The following AQP9 variants were observed in gnomAD, a reference collection of about 807,000 sequenced individuals.
AQP9 encodes the protein aquaporin 9.
A neutral mutation model predicts 23.8 loss-of-function variants in AQP9; 19 were observed. That is an observed-to-expected ratio of 0.80 (90% CI 0.56 to 1.17). AQP9 has a LOEUF of 1.17. AQP9 is among the 50% of genes most tolerant of loss of function. AQP9 has a pLI of 0.00. For missense variants in AQP9, 413 were observed against 362.0 expected (o/e 1.14, Z -1.14); for synonymous variants, 153 against 131.5 (o/e 1.16, Z -1.12).
chr15:58,139,100 A>G (rs574633647), intron 1 of AQP9, among the ~76,000 whole-genome samples: 6 of 152,208 alleles, frequency 3.9e-5, no homozygotes, highest in Non-Finnish European at 7.4e-5. Context: ...GCAAAAATAT[A>G]CATATGGATG....
chr15:58,146,323 A>G (rs1898042949), intron 1 of AQP9, among the ~76,000 whole-genome samples: 1 of 151,774 alleles, frequency 6.6e-6, no homozygotes, highest in South Asian at 2.1e-4. Context: ...TGAATTTTGT[A>G]TAGTTGCTGT....
intron 1 of AQP9, among the ~76,000 whole-genome samples, chr15:58,148,645 T>C (rs1898092918): frequency 6.6e-6 from 1 of 152,222 alleles, no homozygotes; most frequent in East Asian, 1.9e-4. Flanking sequence ...AAATGCTTCA[T>C]TCATTTCTTA....
intron 5 of AQP9, among the ~76,000 whole-genome samples, chr15:58,180,499 G>T (rs1290839305): frequency 6.6e-6 from 1 of 152,182 alleles, no homozygotes; most frequent in Non-Finnish European, 1.5e-5. Context: ...GCCTAGAACA[G>T]GGTGTAGCTC....
At chr15:58,175,431 T>C (rs2140628659) in intron 4 of AQP9, among the ~76,000 whole-genome samples, 1 of 152,366 alleles carries the variant, frequency 6.6e-6, no homozygotes, top group Admixed American at 6.5e-5. Context: ...TAGTTGAGCC[T>C]AGGGGATCAT....
chr15:58,145,386 C>T (rs1898026730), intron 1 of AQP9, among the ~76,000 whole-genome samples: 1 of 151,746 alleles, frequency 6.6e-6, no homozygotes, highest in African/African-American at 2.4e-5. Flanking sequence ...ACCTGTAATC[C>T]CAGCTACTCA....
In AQP9 at chr15:58,174,951, T is replaced by G. The variant is rs1474924571; in HGVS notation, c.410T>G (p.Leu137Arg). Residue 137 changes from leucine to arginine, a missense_variant, in exon 4 of 6, where the codon CTG becomes CGG. By Grantham distance (102) the Leu-to-Arg change is moderately radical (BLOSUM62 -2). Coordinates refer to ENST00000219919, the MANE Select transcript of AQP9 (RefSeq NM_020980.5). ...GLMSFAGGKL[L>R]IVGENATAHI... is the part of the protein sequence containing the mutation. ...ATGTCCTTTGCTGGTGGAAAACTGC[T>G]GATCGTGGGAGAAAATGCAACAGCA... 4 of 1,614,110 alleles carry G rather than the reference T, an allele frequency of 2.5e-6. No individual in the cohort carries two copies. The highest frequency in any genetic ancestry group is 3.4e-6 in the Non-Finnish European group (4 of 1,180,024).
Position 58,150,531 on chromosome 15 carries a change from T to A in AQP9, c.111+11855T>A, listed in dbSNP as rs564946469. Reference sequence around the variant, plus strand: ...TGACACTTCATAGATATAGTAAGACTATTCTTATATGTCTCTATCTACTGA... The same window carrying A: ...TGACACTTCATAGATATAGTAAGACAATTCTTATATGTCTCTATCTACTGA... On this transcript the variant is annotated intron_variant, in intron 1 of 5. Coordinates refer to ENST00000219919, the MANE Select transcript of AQP9 (RefSeq NM_020980.5). 3.3e-5 allele frequency: 5 copies of A among 152,756 alleles called. No homozygotes were observed. In the East Asian group the frequency reaches 9.7e-4, roughly 29 times the overall value. The allele number at this position is 152,756 out of a possible 1,614,324, so 9.5% of individuals were successfully genotyped here. A position where few individuals can be genotyped will look rare whatever the true frequency, so the allele number is the denominator to read the frequency against.
At chr15:58,138,801 G>A in intron 1 of AQP9, 125 bp downstream of exon 1, 6 of 800,490 alleles carry the variant, frequency 7.5e-6, no homozygotes, top group Non-Finnish European at 1.2e-5. Context: ...ATCTTTTCCA[G>A]GAAGAAACAA....
At chr15:58,144,248 G>A (rs548868299) in intron 1 of AQP9, among the ~76,000 whole-genome samples, 13 of 151,620 alleles carry the variant, frequency 8.6e-5, no homozygotes, top group Non-Finnish European at 1.6e-4. Flanking sequence ...TCTTATTGAG[G>A]TTTAATATTT....
chr15:58,157,681 TGA>T (rs1293409802), intron 1 of AQP9, among the ~76,000 whole-genome samples: 3 of 152,128 alleles, frequency 2.0e-5, no homozygotes, highest in African/African-American at 7.2e-5. Context: ...GAGGAGTGTG[TGA>T]GAGAGAACAA....
intron 1 of AQP9, among the ~76,000 whole-genome samples, chr15:58,165,430 T>G (rs1007777237): frequency 3.9e-5 from 6 of 152,202 alleles, no homozygotes; most frequent in Non-Finnish European, 7.3e-5. Context: ...AAAAGTTCTC[T>G]TCCAATCTCT....
At chr15:58,179,444 G>T in intron 5 of AQP9, 99 bp downstream of exon 5, 1 of 1,079,516 alleles carries the variant, frequency 9.3e-7, no homozygotes, top group Non-Finnish European at 1.3e-6. Context: ...TCAGATGACA[G>T]CGCCAACGTT....
chr15:58,174,828 AG>A (rs1898703415), intron 3 of AQP9, 89 bp from the exon 4 acceptor site: 2 of 1,057,258 alleles, frequency 1.9e-6, no homozygotes, highest in Non-Finnish European at 2.9e-6. Flanking sequence ...GCTCAATCTG[AG>A]TGACTGGTTG....
chr15:58,158,130 G>A lies in AQP9; in HGVS notation c.112-8543G>A, dbSNP rs112336414. 6.2e-3 allele frequency among the ~76,000 whole-genome samples: 944 copies of A among 152,176 alleles called. 15 individuals are homozygous for A. The highest frequency in any genetic ancestry group is 0.022 in the African/African-American group (907 of 41,502). On this transcript the variant is annotated intron_variant, in intron 1 of 5. Coordinates refer to ENST00000219919, the MANE Select transcript of AQP9 (RefSeq NM_020980.5). ...GATTGGGAACAGATGGCTGCTACCT[G>A]GGGTCTTCAAGTCCTCACCTTCCCA...
chr15:58,140,314 A>G (rs73426140), intron 1 of AQP9, among the ~76,000 whole-genome samples: 1,874 of 151,872 alleles, frequency 0.012, 45 homozygotes, highest in African/African-American at 0.043. Context: ...TCAGCAGTTC[A>G]CTGTTCAACT....
chr15:58,167,625 C>G (rs1452842979), intron 2 of AQP9, among the ~76,000 whole-genome samples: 3 of 152,216 alleles, frequency 2.0e-5, no homozygotes, highest in African/African-American at 7.2e-5. Flanking sequence ...AGTGGAAGCC[C>G]TGCAGCTGGT....
chr15:58,166,602 C>T (rs1392380206), intron 1 of AQP9, 71 bp from the exon 2 acceptor site: 14 of 1,518,412 alleles, frequency 9.2e-6, no homozygotes, highest in Non-Finnish European at 1.2e-5. Flanking sequence ...AAAATACTTG[C>T]TACTGTGAGT....
chr15:58,176,528 G>A (rs1898757665), intron 4 of AQP9, among the ~76,000 whole-genome samples: 1 of 151,590 alleles, frequency 6.6e-6, no homozygotes, highest in Non-Finnish European at 1.5e-5. Flanking sequence ...GGAAACTGGA[G>A]TATAGCGACC....
chr15:58,140,715 C>G (rs372400573), intron 1 of AQP9, among the ~76,000 whole-genome samples: 1 of 152,144 alleles, frequency 6.6e-6, no homozygotes, highest in African/African-American at 2.4e-5. Context: ...AGGGGAACAT[C>G]GAAAAGATGG....
Sources: allele counts gnomAD v4.1 joint callset (sites outside exome capture counted in the v4.1 genomes callset), GRCh38; gene constraint gnomAD v4.1.1; transcripts MANE v1.5; gene names NCBI Gene and HGNC (gene_info 2026-07-23, HGNC 2026-07-21).